Variants in FRMD4B observed in about 807,000 individuals in gnomAD.
FRMD4B encodes the protein FERM domain-containing protein 4B.
A neutral mutation model predicts 141.5 loss-of-function variants in FRMD4B; 74 were observed. That is an observed-to-expected ratio of 0.52 (90% CI 0.43 to 0.63). The LOEUF (loss-of-function observed/expected upper bound fraction) is 0.63, where lower values mean the gene tolerates loss of function less well. Ranked by LOEUF, FRMD4B falls within the 30% of genes least tolerant of loss-of-function variation. The probability of loss-of-function intolerance (pLI) is 0.00; values close to 1 mark genes in which losing one functional copy is unlikely to be tolerated. For synonymous variants in FRMD4B, 506 were observed against 467.9 expected (o/e 1.08, Z -1.05); for missense variants, 1,366 against 1,253.4 (o/e 1.09, Z -1.36).
chr3:69,196,155 C>A, intron 14 of FRMD4B, 100 bp downstream of exon 14: 2 of 935,782 alleles, frequency 2.1e-6, no homozygotes, highest in Non-Finnish European at 1.6e-6. Context: ...TTATTTATTC[C>A]CAAAATAATG....
intron 1 of FRMD4B, among the ~76,000 whole-genome samples, chr3:69,440,077 T>C (rs973281998): frequency 2.6e-5 from 4 of 152,226 alleles, no homozygotes; most frequent in African/African-American, 7.2e-5. Flanking sequence ...GTTATACATT[T>C]TGATATAGTG....
intron 5 of FRMD4B, among the ~76,000 whole-genome samples, chr3:69,284,405 C>G (rs910457412): frequency 6.6e-6 from 1 of 152,012 alleles, no homozygotes; most frequent in Non-Finnish European, 1.5e-5. Flanking sequence ...CCTATTCCCA[C>G]CAGCCAGAAT....
chr3:69,421,937 A>G (rs1374217396), intron 2 of FRMD4B, among the ~76,000 whole-genome samples: 1 of 152,284 alleles, frequency 6.6e-6, no homozygotes, highest in African/African-American at 2.4e-5. Flanking sequence ...CCATAACACA[A>G]AAATATTGGT....
intron 1 of FRMD4B, among the ~76,000 whole-genome samples, chr3:69,528,610 C>A (rs1428766412): frequency 1.3e-5 from 2 of 152,110 alleles, no homozygotes; most frequent in Non-Finnish European, 2.9e-5. Flanking sequence ...AAGAGATCCA[C>A]CTGCCTTGGC....
chr3:69,297,577 T>G (rs1335266913), intron 4 of FRMD4B, among the ~76,000 whole-genome samples: 2 of 152,188 alleles, frequency 1.3e-5, no homozygotes, highest in Non-Finnish European at 2.9e-5. Flanking sequence ...CTGAGGCACC[T>G]CAGGTTGCCC....
intron 1 of FRMD4B, among the ~76,000 whole-genome samples, chr3:69,343,570 G>GTTTT (rs764348717): frequency 7.1e-5 from 6 of 84,196 alleles, no homozygotes; most frequent in African/African-American, 2.2e-4. Flanking sequence ...TGTCTTAACA[G>GTTTT]TTTTTTGTTT....
At chr3:69,350,177 G>A (rs1309833783) in intron 1 of FRMD4B, among the ~76,000 whole-genome samples, 17 of 152,058 alleles carry the variant, frequency 1.1e-4, no homozygotes, top group East Asian at 1.9e-4. Flanking sequence ...ATGAACAGAC[G>A]CTTCTCAAAA....
intron 1 of FRMD4B, among the ~76,000 whole-genome samples, chr3:69,371,324 C>T (rs1703817626): frequency 6.6e-6 from 1 of 152,070 alleles, no homozygotes; most frequent in African/African-American, 2.4e-5. Flanking sequence ...GGAGTTAAGA[C>T]CAGAGTTTGG....
chr3:69,218,427 A>T (rs4855301), intron 9 of FRMD4B, 48 bp from the exon 10 acceptor site: 675,259 of 766,728 alleles, frequency 0.88, 300,301 homozygotes, highest in East Asian at 0.99. Context: ...TAGTTAGAGG[A>T]CCCTTTTGGG....
intron 1 of FRMD4B, among the ~76,000 whole-genome samples, chr3:69,484,700 G>A (rs531230264): frequency 6.6e-6 from 1 of 152,052 alleles, no homozygotes; most frequent in South Asian, 2.1e-4. Context: ...CCTCTCTGCT[G>A]CTGGTTGTCC....
At chr3:69,287,549 G>A (rs1357357575) in intron 5 of FRMD4B, 5 of 546,210 alleles carry the variant, frequency 9.2e-6, no homozygotes, top group Non-Finnish European at 1.6e-5. Context: ...TTCCCGTGCA[G>A]ATGGTTGTCT....
chr3:69,475,011 G>T (rs1705960506), intron 1 of FRMD4B, among the ~76,000 whole-genome samples: 1 of 152,106 alleles, frequency 6.6e-6, no homozygotes, highest in Non-Finnish European at 1.5e-5. Context: ...ATGTCTTGCT[G>T]TTGGTTCCCA....
chr3:69,390,421 T>C (rs191946536), upstream of FRMD4B, among the ~76,000 whole-genome samples: 5 of 152,304 alleles, frequency 3.3e-5, no homozygotes, highest in East Asian at 9.7e-4. Context: ...CTGAGACATG[T>C]GGCAATGTCA....
chr3:69,424,694 A>G (rs1705048885), intron 2 of FRMD4B, among the ~76,000 whole-genome samples: 1 of 152,230 alleles, frequency 6.6e-6, no homozygotes, highest in Non-Finnish European at 1.5e-5. Flanking sequence ...AATTACTTTT[A>G]TAAGACAAAA....
chr3:69,322,594 CT>C (rs771521331), intron 1 of FRMD4B, among the ~76,000 whole-genome samples: 11,771 of 81,278 alleles, frequency 0.14, 456 homozygotes, highest in South Asian at 0.24. Flanking sequence ...TTCTCTCTCT[CT>C]TTTTTTTTTT....
intron 5 of FRMD4B, among the ~76,000 whole-genome samples, chr3:69,260,307 GC>G (rs1359557148): frequency 6.6e-6 from 1 of 152,210 alleles, no homozygotes; most frequent in Non-Finnish European, 1.5e-5. Context: ...CACCGTGTTC[GC>G]GAGTTGGCGA....
At chr3:69,210,019 T>G (rs1185819237) in intron 11 of FRMD4B, among the ~76,000 whole-genome samples, 3 of 152,192 alleles carry the variant, frequency 2.0e-5, no homozygotes, top group African/African-American at 7.2e-5. Context: ...ACAGGAAGAC[T>G]TTTGTGCTTG....
At chr3:69,488,859 C>CTCCA (rs1335992588) in intron 1 of FRMD4B, among the ~76,000 whole-genome samples, 1 of 139,110 alleles carries the variant, frequency 7.2e-6, no homozygotes, top group Non-Finnish European at 1.5e-5. Context: ...CACCACTGCA[C>CTCCA]TCCAGCCTGG....
intron 5 of FRMD4B, among the ~76,000 whole-genome samples, chr3:69,282,913 A>T (rs11716219): frequency 6.6e-6 from 1 of 152,006 alleles, no homozygotes; most frequent in Non-Finnish European, 1.5e-5. Context: ...TTGGGATTAC[A>T]GGTGTGAGCT....
Sources: allele counts gnomAD v4.1 joint callset (sites outside exome capture counted in the v4.1 genomes callset), GRCh38; gene constraint gnomAD v4.1.1; transcripts MANE v1.5; gene names NCBI Gene and HGNC (gene_info 2026-07-23, HGNC 2026-07-21).